BMS1: variants seen among roughly 807,000 people sequenced by gnomAD.
The protein encoded by BMS1 is BMS1 ribosome biogenesis factor, also known as ribosome biogenesis protein BMS1 homolog.
BMS1 carries 53 observed loss-of-function variants against 138.7 expected under a neutral mutation model. The observed-to-expected ratio is 0.38, with a 90% confidence interval of 0.31 to 0.48. The LOEUF (loss-of-function observed/expected upper bound fraction) is 0.48, where lower values mean the gene tolerates loss of function less well. Ranked by LOEUF, BMS1 falls within the 20% of genes least tolerant of loss-of-function variation. The pLI is 0.97. For missense variants in BMS1, 1,360 were observed against 1,565.5 expected (o/e 0.87, Z 2.22); for synonymous variants, 504 against 539.9 (o/e 0.93, Z 0.92).
intron 13 of BMS1, among the ~76,000 whole-genome samples, chr10:42,807,703 A>T (rs1490281443): frequency 6.6e-6 from 1 of 152,066 alleles, no homozygotes; most frequent in Non-Finnish European, 1.5e-5. Flanking sequence ...GCTCAGGCTG[A>T]TCTTGAACTC....
intron 13 of BMS1, among the ~76,000 whole-genome samples, chr10:42,808,798 A>G (rs1842086769): frequency 6.6e-6 from 1 of 152,140 alleles, no homozygotes; most frequent in Admixed American, 6.5e-5. Flanking sequence ...TTTGTAAAAC[A>G]TTAGTTGAGC....
rs1439165784 is a variant in BMS1 at position 42,823,675 on chromosome 10, T to C, written c.3347T>C (p.Leu1116Ser). Residue 1116 changes from leucine (L) to serine (S), a missense_variant, in exon 21 of 23, where the codon TTG (leucine) becomes TCG (serine). By Grantham distance (145) the Leu-to-Ser change is moderately radical (BLOSUM62 -2). Transcript: ENST00000374518. The part of the protein sequence containing the change: ...IPAFYNPVTS[L>S]LKPVGEKDTW... Reference sequence around the variant, plus strand: ...GCGTTCTATAACCCAGTAACATCTTTGTTGAAACCAGTGGGTGAGAAAGAC... The same window carrying C: ...GCGTTCTATAACCCAGTAACATCTTCGTTGAAACCAGTGGGTGAGAAAGAC... The C allele has an allele frequency of 5.0e-6, 8 of 1,595,952 alleles. No individual in the cohort carries two copies. The African/African-American group carries it at 6.7e-5, about 13-fold the overall frequency.
At chr10:42,788,251 G>C (rs1258371820) in intron 4 of BMS1, among the ~76,000 whole-genome samples, 1 of 152,116 alleles carries the variant, frequency 6.6e-6, no homozygotes, top group Admixed American at 6.5e-5. Flanking sequence ...TACTTGAAAT[G>C]ATTGAAATAG....
intron 1 of BMS1, among the ~76,000 whole-genome samples, chr10:42,783,099 C>T (rs1307778576): frequency 2.0e-5 from 3 of 152,008 alleles, no homozygotes; most frequent in Admixed American, 2.0e-4. Flanking sequence ...GAGACTTAGA[C>T]CTGAGCTGGA....
Position 42,822,060 on chromosome 10 carries a change from A to C in BMS1, c.3010-2A>C. 1 of 1,594,130 alleles carries C rather than the reference A, an allele frequency of 6.3e-7. No homozygotes were observed. The highest frequency in any genetic ancestry group is 8.5e-7 in the Non-Finnish European group (1 of 1,177,864). On this transcript the variant is annotated splice_acceptor_variant, in intron 18 of 22. Transcript: ENST00000374518. LOFTEE classifies it high-confidence loss of function. ...ATTTTCAAATTTTGGGGTTCCTGTTAGCCTGATTTTCGGATAGCTGCTACA... is the reference window on the plus strand; with the variant it reads ...ATTTTCAAATTTTGGGGTTCCTGTTCGCCTGATTTTCGGATAGCTGCTACA...
In BMS1 at chr10:42,832,265, AAAT is replaced by A. The variant is rs1399003883; in HGVS notation, c.*1172_*1174del. ...CATGGCAAAACCTCATCGCTACAAAAAATAAAAAATTCGCCAGGTGTGGTGGGT... is the reference window on the plus strand; with the variant it reads ...CATGGCAAAACCTCATCGCTACAAAAAAAAAATTCGCCAGGTGTGGTGGGT... On this transcript the variant is annotated 3_prime_UTR_variant, in exon 23 of 23. Coordinates refer to ENST00000374518, the MANE Select transcript of BMS1 (RefSeq NM_014753.4). 6.6e-6 allele frequency: 1 copy of A among 152,120 alleles called. No individual in the cohort carries two copies. The highest frequency in any genetic ancestry group is 1.5e-5 in the Non-Finnish European group (1 of 68,052). The allele number at this position is 152,120 out of a possible 1,614,324, so 9.4% of individuals were successfully genotyped here.
intron 15 of BMS1, among the ~76,000 whole-genome samples, chr10:42,818,274 C>G (rs1230463673): frequency 6.6e-6 from 1 of 152,200 alleles, no homozygotes; most frequent in Non-Finnish European, 1.5e-5. Flanking sequence ...AAAGGCATGA[C>G]TAGGCTAACT....
At chr10:42,809,671 G>C (rs1265258268) in intron 13 of BMS1, among the ~76,000 whole-genome samples, 1 of 152,134 alleles carries the variant, frequency 6.6e-6, no homozygotes, top group East Asian at 1.9e-4. Context: ...TCTTGTCACT[G>C]TTATTTATTT....
intron 13 of BMS1, among the ~76,000 whole-genome samples, chr10:42,813,066 T>C (rs1004279237): frequency 1.3e-5 from 2 of 152,210 alleles, no homozygotes; most frequent in Non-Finnish European, 2.9e-5. Context: ...GTAAATTATT[T>C]TGCTTGAAGT....
chr10:42,830,753 T>C, intron 22 of BMS1, 113 bp from the exon 23 acceptor site: 1 of 942,402 alleles, frequency 1.1e-6, no homozygotes, highest in Admixed American at 2.7e-5. Flanking sequence ...GGATGCATTT[T>C]CATGCAGTTA....
At chr10:42,802,303 A>T (rs997558714) in intron 13 of BMS1, 85 bp downstream of exon 13, 1 of 1,161,738 alleles carries the variant, frequency 8.6e-7, no homozygotes, top group Admixed American at 2.2e-5. Context: ...TCAAATTGAA[A>T]ATAATAGTCA....
intron 7 of BMS1, 151 bp downstream of exon 7, chr10:42,792,765 T>G (rs1415744342): frequency 6.6e-6 from 9 of 1,360,506 alleles, no homozygotes; most frequent in Admixed American, 2.3e-5. Flanking sequence ...CCTGCAAAGG[T>G]GTTACTGAAT....
In BMS1 at chr10:42,796,526, C is replaced by G. The variant is rs766620569; in HGVS notation, c.1282C>G (p.Arg428Gly). 2.5e-6 allele frequency: 4 copies of G among 1,614,054 alleles called. No individual in the cohort carries two copies. Among genetic ancestry groups the G allele is most frequent in the Non-Finnish European group, 3.4e-6 (4 of 1,180,002 alleles). Reference protein sequence around the residue: ...KQMDLNTGRMRRKAIFGDEDE... With the variant: ...KQMDLNTGRMGRKAIFGDEDE... The stretch of plus-strand genomic sequence containing the variant: ...AATGGACTTGAACACTGGTCGAATG[C>G]GTCGGAAAGCCATTTTCGGAGATGA... The change falls in exon 10 of 23, where the codon CGT becomes GGT. Residue 428 changes from arginine to glycine, a missense_variant. This residue lies in a region of BMS1 where 697 missense variants were observed against 686.2 expected (regional missense o/e 1.02). Transcript: ENST00000374518.
intron 12 of BMS1, among the ~76,000 whole-genome samples, chr10:42,801,425 C>A (rs1164720105): frequency 3.3e-5 from 5 of 152,188 alleles, no homozygotes; most frequent in African/African-American, 4.8e-5. Flanking sequence ...TCTCATTTCT[C>A]TTTTCAAAAG....
intron 13 of BMS1, among the ~76,000 whole-genome samples, chr10:42,805,919 C>A (rs947356535): frequency 3.3e-5 from 5 of 152,090 alleles, no homozygotes; most frequent in Non-Finnish European, 2.9e-5. Flanking sequence ...CATGCCCCAG[C>A]CTCGTGAGTA....
At chr10:42,812,355 A>C (rs942139407) in intron 13 of BMS1, among the ~76,000 whole-genome samples, 4 of 152,180 alleles carry the variant, frequency 2.6e-5, no homozygotes, top group African/African-American at 9.7e-5. Flanking sequence ...TATGTTGCCC[A>C]GGCTGGAACT....
At position 42,792,545 on chromosome 10, in the gene BMS1, C is replaced by T. The variant is rs757803372; in HGVS notation, c.832C>T (p.Arg278Trp). 16 of 1,611,534 alleles carry T rather than the reference C, an allele frequency of 9.9e-6. No individual in the cohort carries two copies. The highest frequency in any genetic ancestry group is 4.0e-5 in the African/African-American group (3 of 74,940). Residue 278 changes from arginine to tryptophan, a missense_variant, in exon 7 of 23, where the codon CGG becomes TGG. By Grantham distance (101) the Arg-to-Trp change is moderately radical. Coordinates refer to ENST00000374518, the MANE Select transcript of BMS1 (RefSeq NM_014753.4). ...EDIRTNIKCD[R>W]KVSLYGYLRG... Reference sequence around the variant, plus strand: ...TATCCGAACAAACATCAAATGTGACCGGAAGGTGTCACTTTATGGTTATTT... The same window carrying T: ...TATCCGAACAAACATCAAATGTGACTGGAAGGTGTCACTTTATGGTTATTT...
intron 13 of BMS1, among the ~76,000 whole-genome samples, chr10:42,810,351 A>G (rs1842136363): frequency 6.6e-6 from 1 of 152,206 alleles, no homozygotes; most frequent in Admixed American, 6.5e-5. Flanking sequence ...AAATTTTTAT[A>G]CAAATCTTTT....
chr10:42,793,144 G>C lies in BMS1; in HGVS notation c.1089G>C (p.Gln363His). The C allele has an allele frequency of 6.3e-7, 1 of 1,599,994 alleles. No homozygotes were observed. Among genetic ancestry groups the C allele is most frequent in the Non-Finnish European group, 8.5e-7 (1 of 1,174,390 alleles). Reference sequence around the variant, plus strand: ...ACCTTGGTGGCAGCCACGTTTTTCAGGTATCGGTGAGACGGGAGTCATTTC... The same window carrying C: ...ACCTTGGTGGCAGCCACGTTTTTCACGTATCGGTGAGACGGGAGTCATTTC... ...YVDLGGSHVFQDEVGPTHELV... is the reference protein window; with the variant it reads ...YVDLGGSHVFHDEVGPTHELV... The change falls in exon 8 of 23, where the codon CAG (glutamine) becomes CAC (histidine). Residue 363 changes from glutamine (Q) to histidine (H), a missense_variant and splice_region_variant. Physicochemically the swap from Gln to His is conservative, Grantham distance 24. Coordinates refer to ENST00000374518, the MANE Select transcript of BMS1 (RefSeq NM_014753.4).
Sources: allele counts gnomAD v4.1 joint callset (sites outside exome capture counted in the v4.1 genomes callset), GRCh38; gene constraint gnomAD v4.1.1; regional missense constraint gnomAD v4.1.1; transcripts MANE v1.5; gene names NCBI Gene and HGNC (gene_info 2026-07-23, HGNC 2026-07-21).